The following GTF2A2 variants were observed in gnomAD, a reference collection of about 807,000 sequenced individuals.
The protein encoded by GTF2A2 is transcription initiation factor IIA subunit 2.
Under a neutral mutation model 14.3 loss-of-function variants are expected in GTF2A2, and 9 were observed. The observed-to-expected ratio is 0.63, with a 90% CI of 0.38 to 1.10. The LOEUF (loss-of-function observed/expected upper bound fraction) is 1.10. GTF2A2 is among the 50% of genes least tolerant of loss of function. GTF2A2 has a pLI of 0.01. For missense variants in GTF2A2, 90 were observed against 124.6 expected, an observed-to-expected ratio of 0.72 and a Z score of 1.32; for synonymous variants, 56 against 46.0, an observed-to-expected ratio of 1.22 and a Z score of -0.88.
chr15:59,652,101 T>C (rs4774340), intron 2 of GTF2A2, 105 bp downstream of exon 2: 438,051 of 681,806 alleles, frequency 0.64, 141,742 homozygotes, highest in African/African-American at 0.73. Flanking sequence ...CTGGGTCAAA[T>C]AGTCCAAGAT....
intron 2 of GTF2A2, chr15:59,651,922 G>T (rs774595532): frequency 1.6e-5 from 4 of 253,340 alleles, no homozygotes; most frequent in Admixed American, 1.5e-4. Flanking sequence ...GGCCTCAAGC[G>T]ATCCTTCCAC....
At chr15:59,640,646 T>TATGTC (rs1491394527) in intron 4 of GTF2A2, among the ~76,000 whole-genome samples, 2 of 152,226 alleles carry the variant, frequency 1.3e-5, no homozygotes, top group African/African-American at 4.8e-5. Context: ...AGTACTGGTG[T>TATGTC]ATGTCATTAA....
chr15:59,640,761 G>T (rs1340651718), intron 4 of GTF2A2, among the ~76,000 whole-genome samples: 1 of 152,052 alleles, frequency 6.6e-6, no homozygotes, highest in African/African-American at 2.4e-5. Flanking sequence ...CCTTAAATAT[G>T]AAAAAAATTG....
intron 3 of GTF2A2, among the ~76,000 whole-genome samples, chr15:59,648,674 C>A (rs1460248550): frequency 6.6e-6 from 1 of 152,032 alleles, no homozygotes. Context: ...GTGGCTCAAG[C>A]CTGTAATCCC....
chr15:59,655,977 A>C (rs1296877700), intron 1 of GTF2A2, among the ~76,000 whole-genome samples: 1 of 151,990 alleles, frequency 6.6e-6, no homozygotes, highest in Non-Finnish European at 1.5e-5. Context: ...TACTGCAAAA[A>C]TCTCCTAAAT....
chr15:59,656,888 T>G (rs1891961277), intron 1 of GTF2A2: 1 of 152,254 alleles, frequency 6.6e-6, no homozygotes, highest in African/African-American at 2.4e-5. Context: ...TATTGTTCCC[T>G]TCTTGTTTTG....
In GTF2A2 at chr15:59,639,329, T is replaced by G. The variant is rs145573033; in HGVS notation, c.305-172A>C. On this transcript the variant is annotated intron_variant, in intron 4 of 4. Transcript: ENST00000396060. The stretch of plus-strand genomic sequence containing the variant: ...ACACTGTAAATATGTTGAACTTCAG[T>G]AAGTTTCCTTTTAAGCAGAGATACA... Among the ~76,000 whole-genome samples, 244 of 152,284 alleles carry G rather than the reference T, an allele frequency of 1.6e-3. 2 individuals carry two copies. Among genetic ancestry groups the G allele is most frequent in the African/African-American group, 5.5e-3 (229 of 41,546 alleles).
At chr15:59,639,510 G>GA (rs554108863) in intron 4 of GTF2A2, among the ~76,000 whole-genome samples, 107 of 147,088 alleles carry the variant, frequency 7.3e-4, no homozygotes, top group Non-Finnish European at 1.3e-4. Context: ...GCCCAGGCTG[G>GA]AGTGCAGTGG....
At chr15:59,650,906 C>T (rs1448746150) in intron 2 of GTF2A2, 133 bp from the exon 3 acceptor site, 2 of 580,962 alleles carry the variant, frequency 3.4e-6, no homozygotes, top group African/African-American at 3.7e-5. Flanking sequence ...CCTTTATCTC[C>T]TTTGCCATAA....
intron 2 of GTF2A2, 174 bp downstream of exon 2, chr15:59,652,032 T>C (rs1891808917): frequency 5.8e-6 from 3 of 513,198 alleles, no homozygotes; most frequent in Non-Finnish European, 1.0e-5. Context: ...TTGTGTCCTG[T>C]TGTCAGGACA....
intron 1 of GTF2A2, among the ~76,000 whole-genome samples, chr15:59,655,553 G>A (rs1019113706): frequency 6.6e-6 from 1 of 152,152 alleles, no homozygotes; most frequent in Non-Finnish European, 1.5e-5. Context: ...TCTTAATACT[G>A]TTTGCTGGTT....
At chr15:59,645,892 G>A (rs578241001) in intron 3 of GTF2A2, among the ~76,000 whole-genome samples, 2 of 152,006 alleles carry the variant, frequency 1.3e-5, no homozygotes, top group South Asian at 4.2e-4. Flanking sequence ...AAATTAGACG[G>A]GCATGATGGT....
chr15:59,652,313 C>CAATTTGTATTTCTTA lies in GTF2A2; in HGVS notation c.-37_-36insTAAGAAATACAAATT. ...GAAGAATTTGTTTTTCTTATTCAAG[C>CAATTTGTATTTCTTA]TTGCATTGATGTCCTAAAAATTTAA... On this transcript the variant is annotated 5_prime_UTR_variant, in exon 2 of 5. The change creates a premature stop within an existing upstream ORF in the 5' untranslated region. Coordinates refer to ENST00000396060, the MANE Select transcript of GTF2A2 (RefSeq NM_004492.3). 2 of 1,188,760 alleles carry CAATTTGTATTTCTTA rather than the reference C, an allele frequency of 1.7e-6. No individual in the cohort carries two copies. The highest frequency in any genetic ancestry group is 2.5e-6 in the Non-Finnish European group (2 of 812,100). The allele number at this position is 1,188,760 out of a possible 1,614,324, so 73.6% of individuals were successfully genotyped here.
At chr15:59,643,072 ATTTTTTTTTTT>A (rs398043378) in intron 3 of GTF2A2, among the ~76,000 whole-genome samples, 6 of 64,096 alleles carry the variant, frequency 9.4e-5, no homozygotes, top group Admixed American at 6.3e-4. Flanking sequence ...GGCCTATATA[ATTTTTTTTTTT>A]TTTTTTTTTT....
chr15:59,648,236 ATC>A (rs1434675314), intron 3 of GTF2A2, among the ~76,000 whole-genome samples: 1 of 151,440 alleles, frequency 6.6e-6, no homozygotes, highest in African/African-American at 2.4e-5. Context: ...GTGAAATCCC[ATC>A]TCTTACTAAA....
At position 59,648,950 on chromosome 15, in the gene GTF2A2, A is replaced by C. The variant is rs1891706134; in HGVS notation, c.177+1719T>G. On this transcript the variant is annotated intron_variant, in intron 3 of 4. Coordinates refer to ENST00000396060, the MANE Select transcript of GTF2A2 (RefSeq NM_004492.3). ...CTCTGTCTCAAAAAACAAAAACAAA[A>C]ACAAACAAAAAAAACTATAAAACAA... Among the ~76,000 whole-genome samples, 3 of 151,960 alleles carry C rather than the reference A, an allele frequency of 2.0e-5. No individual in the cohort carries two copies. The South Asian group carries it at 6.2e-4, about 31-fold the overall frequency.
At chr15:59,647,744 C>G (rs950310318) in intron 3 of GTF2A2, among the ~76,000 whole-genome samples, 1 of 151,834 alleles carries the variant, frequency 6.6e-6, no homozygotes, top group Non-Finnish European at 1.5e-5. Context: ...ATGCCCAGCT[C>G]ATTTTAGTAA....
intron 4 of GTF2A2, among the ~76,000 whole-genome samples, chr15:59,641,260 T>C (rs1891415318): frequency 6.6e-6 from 1 of 151,254 alleles, no homozygotes; most frequent in African/African-American, 2.4e-5. Context: ...TACATACATT[T>C]TTGCAAAAAA....
chr15:59,639,062 T>C lies in GTF2A2; in HGVS notation c.*70A>G. 5.6e-6 allele frequency: 5 copies of C among 885,324 alleles called. No individual in the cohort carries two copies. In the South Asian group the frequency reaches 6.7e-5, roughly 12 times the overall value. The allele number at this position is 885,324 out of a possible 1,614,324, so 54.8% of individuals were successfully genotyped here. A position where few individuals can be genotyped will look rare whatever the true frequency, so the allele number is the denominator to read the frequency against. On this transcript the variant is annotated 3_prime_UTR_variant, in exon 5 of 5. Transcript: ENST00000396060. ...CTGCAATTCTAGAATAAATAAAAAGTCTCTTCTATGCTTCTCTTCAAAAGC... is the reference window on the plus strand; with the variant it reads ...CTGCAATTCTAGAATAAATAAAAAGCCTCTTCTATGCTTCTCTTCAAAAGC...
Sources: allele counts gnomAD v4.1 joint callset (sites outside exome capture counted in the v4.1 genomes callset), GRCh38; gene constraint gnomAD v4.1.1; transcripts MANE v1.5; gene names NCBI Gene and HGNC (gene_info 2026-07-23, HGNC 2026-07-21).